Variants in RNPEP observed in about 807,000 individuals in gnomAD.
RNPEP encodes the protein arginyl aminopeptidase.
RNPEP carries 57 observed loss-of-function variants against 70.1 expected under a neutral mutation model. The ratio of observed to expected loss-of-function variants is 0.81; its 90% CI spans 0.66 to 1.01. The LOEUF (loss-of-function observed/expected upper bound fraction) is 1.01. RNPEP is among the 50% of genes least tolerant of loss of function. The probability of loss-of-function intolerance (pLI) is 0.00; values close to 1 mark genes in which losing one functional copy is unlikely to be tolerated. For missense variants in RNPEP, 787 were observed against 852.4 expected (o/e 0.92, Z 0.96); for synonymous variants, 335 against 357.4 (o/e 0.94, Z 0.71).
chr1:201,997,767 T>TTTTG (rs1553304966), intron 5 of RNPEP, among the ~76,000 whole-genome samples: 2 of 8,704 alleles, frequency 2.3e-4, no homozygotes, highest in Non-Finnish European at 6.5e-3. Context: ...AGGTCATTAG[T>TTTTG]TTTTTTTTTT....
chr1:201,994,668 C>CTTT (rs774484493), intron 3 of RNPEP, among the ~76,000 whole-genome samples: 20 of 137,884 alleles, frequency 1.5e-4, no homozygotes, highest in South Asian at 2.4e-4. Flanking sequence ...CCATCAGTCT[C>CTTT]TTTTTTTTTT....
Position 202,005,788 on chromosome 1 carries a change from CT to C in RNPEP, c.*73del. The C allele has an allele frequency of 6.5e-7, 1 of 1,548,690 alleles. No homozygotes were observed. The highest frequency in any genetic ancestry group is 8.9e-7 in the Non-Finnish European group (1 of 1,125,254). ...AGAATAATTGTTTGTTCCCAAATTC[CT>C]GTTCCCTGATCAACTTCCTGGAGTT... On this transcript the variant is annotated 3_prime_UTR_variant, in exon 11 of 11. Coordinates refer to ENST00000295640, the MANE Select transcript of RNPEP (RefSeq NM_020216.4).
Position 201,999,896 on chromosome 1 carries a change from C to T in RNPEP, c.1091-6C>T, listed in dbSNP as rs73074442. 8.7e-6 allele frequency: 14 copies of T among 1,610,950 alleles called. No homozygotes were observed. Among genetic ancestry groups the T allele is most frequent in the Admixed American group, 3.3e-5 (2 of 59,706 alleles). ...TTCCCGAGGCTTACGTTTGATTCTG[C>T]ACCAGGCGCTGCGTACACCTGCTTG... On this transcript the variant is annotated splice_region_variant and splice_polypyrimidine_tract_variant and intron_variant, in intron 5 of 10. Coordinates refer to ENST00000295640, the MANE Select transcript of RNPEP (RefSeq NM_020216.4).
chr1:201,997,832 C>T (rs1387754127), intron 5 of RNPEP, among the ~76,000 whole-genome samples: 1 of 149,262 alleles, frequency 6.7e-6, no homozygotes, highest in Admixed American at 6.8e-5. Flanking sequence ...GGCACGATCT[C>T]GGCTCACTGC....
intron 1 of RNPEP, 38 bp downstream of exon 1, chr1:201,983,151 T>TGCCC (rs148779855): frequency 0.033 from 47,401 of 1,434,392 alleles, 940 homozygotes; most frequent in South Asian, 0.039. Flanking sequence ...GCTGCCTGCC[T>TGCCC]GCCCTTCCGG....
In RNPEP at chr1:201,982,811, C is replaced by T. The variant is rs1325609679; in HGVS notation, c.145C>T (p.Pro49Ser). The change falls in exon 1 of 11, where the codon CCT becomes TCT. Residue 49 changes from proline to serine, a missense_variant. Physicochemically the swap from Pro to Ser is moderately conservative, Grantham distance 74. Transcript: ENST00000295640. Reference sequence around the variant, plus strand: ...CCTGGACCTGCGGGCTGAGTTCGGGCCTCCAGGGCCCGGCGCAGGGAGCCG... The same window carrying T: ...CCTGGACCTGCGGGCTGAGTTCGGGTCTCCAGGGCCCGGCGCAGGGAGCCG... The part of the protein sequence containing the change: ...LHLDLRAEFG[P>S]PGPGAGSRGL... 3 of 1,333,726 alleles carry T rather than the reference C, an allele frequency of 2.2e-6. No individual in the cohort carries two copies. The highest frequency in any genetic ancestry group is 2.9e-6 in the Non-Finnish European group (3 of 1,041,978). 82.6% of individuals were successfully genotyped at this position (1,333,726 alleles called of 1,614,324 possible). A position where few individuals can be genotyped will look rare whatever the true frequency, so the allele number is the denominator to read the frequency against.
chr1:202,003,834 T>A (rs1683938154), intron 9 of RNPEP, among the ~76,000 whole-genome samples: 1 of 152,214 alleles, frequency 6.6e-6, no homozygotes, highest in Non-Finnish European at 1.5e-5. Flanking sequence ...GGCGGTGTGA[T>A]GTTAATACCC....
chr1:201,983,091 A>T lies in RNPEP; in HGVS notation c.425A>T (p.Tyr142Phe), dbSNP rs2102955852. The change falls in exon 1 of 11, where the codon TAC becomes TTC. Residue 142 changes from tyrosine to phenylalanine, a missense_variant. Tyr to Phe is a conservative substitution (Grantham distance 22). Coordinates refer to ENST00000295640, the MANE Select transcript of RNPEP (RefSeq NM_020216.4). ...AAERLQVLLT[Y>F]RVGEGPGVCW... ...GAGCGCCTCCAGGTGCTGCTCACCT[A>T]CCGCGTCGGGGAGGGACCCGGGGTG... The T allele has an allele frequency of 6.6e-7, 1 of 1,506,512 alleles. No individual in the cohort carries two copies. The highest frequency in any genetic ancestry group is 8.8e-7 in the Non-Finnish European group (1 of 1,136,268). 93.3% of individuals were successfully genotyped at this position (1,506,512 alleles called of 1,614,324 possible). A position where few individuals can be genotyped will look rare whatever the true frequency, so the allele number is the denominator to read the frequency against.
At chr1:201,991,135 G>T (rs773640580) in intron 3 of RNPEP, among the ~76,000 whole-genome samples, 1 of 152,078 alleles carries the variant, frequency 6.6e-6, no homozygotes, top group Non-Finnish European at 1.5e-5. Flanking sequence ...TTATTTTTGA[G>T]ATGGCGTCTT....
In RNPEP at chr1:202,005,583, T is replaced by C; in HGVS notation, c.1820T>C (p.Leu607Pro). The C allele has an allele frequency of 6.2e-7, 1 of 1,614,216 alleles. No homozygotes were observed. The highest frequency in any genetic ancestry group is 8.5e-7 in the Non-Finnish European group (1 of 1,180,034). The change falls in exon 11 of 11, where the codon CTG becomes CCG. Residue 607 changes from leucine (L) to proline (P), a missense_variant. Transcript: ENST00000295640. Reference protein sequence around the residue: ...NQGKQKYTLPLYHAMMGGSEV... With the variant: ...NQGKQKYTLPPYHAMMGGSEV... ...GGGAAGCAGAAGTATACACTTCCGC[T>C]GTACCACGCAATGATGGGTGGCAGT...
In RNPEP at chr1:201,989,586, A is replaced by C. The variant is rs892273738; in HGVS notation, c.737+55A>C. On this transcript the variant is annotated intron_variant, in intron 3 of 10. Coordinates refer to ENST00000295640, the MANE Select transcript of RNPEP (RefSeq NM_020216.4). Reference sequence around the variant, plus strand: ...TGGATTGGCCTCAGAGGTGAGGAGGACTCTGACCAGTGGACCTGCTGGGGG... The same window carrying C: ...TGGATTGGCCTCAGAGGTGAGGAGGCCTCTGACCAGTGGACCTGCTGGGGG... The C allele has an allele frequency of 2.9e-5, 47 of 1,595,502 alleles. No homozygotes were observed. In the African/African-American group the frequency reaches 4.8e-4, roughly 16 times the overall value.
At chr1:201,993,092 T>C (rs554834995) in intron 3 of RNPEP, among the ~76,000 whole-genome samples, 2 of 152,348 alleles carry the variant, frequency 1.3e-5, no homozygotes, top group East Asian at 3.9e-4. Flanking sequence ...GATATGATTA[T>C]GTCAGTTTCC....
intron 8 of RNPEP, among the ~76,000 whole-genome samples, chr1:202,002,966 C>T (rs1320789786): frequency 6.6e-6 from 1 of 152,108 alleles, no homozygotes; most frequent in Non-Finnish European, 1.5e-5. Context: ...AGAATGTGCA[C>T]GTGAATAGAG....
In RNPEP at chr1:201,983,018, T is replaced by C; in HGVS notation, c.352T>C (p.Tyr118His). ...CTTCTACACGCAGCCCTTCTCGCAC[T>C]ATGGCCAGGCCCTGTGCGTGTCCTT... ...VSFYTQPFSH[Y>H]GQALCVSFPQ... is the part of the protein sequence containing the mutation. The change falls in exon 1 of 11, where the codon TAT (tyrosine) becomes CAT (histidine). Residue 118 changes from tyrosine (Y) to histidine (H), a missense_variant. Tyr to His is a moderately conservative substitution (Grantham distance 83). Coordinates refer to ENST00000295640, the MANE Select transcript of RNPEP (RefSeq NM_020216.4). 2.0e-6 allele frequency: 3 copies of C among 1,524,802 alleles called. No individual in the cohort carries two copies. Among genetic ancestry groups the C allele is most frequent in the Non-Finnish European group, 2.6e-6 (3 of 1,138,126 alleles). 94.5% of individuals were successfully genotyped at this position (1,524,802 alleles called of 1,614,324 possible).
In RNPEP at chr1:202,005,739, CCTCTTCAGG is replaced by C. The variant is rs1684039627; in HGVS notation, c.*28_*36del. On this transcript the variant is annotated 3_prime_UTR_variant, in exon 11 of 11. Transcript: ENST00000295640. Reference sequence around the variant, plus strand: ...TAGAGGCTCGTGTGCATGGCCCCTGCCTCTTCAGGCTCTCCAGGCTTTCAGAATAATTGT... The same window carrying C: ...TAGAGGCTCGTGTGCATGGCCCCTGCCTCTCCAGGCTTTCAGAATAATTGT... 24 of 1,610,954 alleles carry C rather than the reference CCTCTTCAGG, an allele frequency of 1.5e-5. No homozygotes were observed. Among genetic ancestry groups the C allele is most frequent in the Non-Finnish European group, 1.9e-5 (22 of 1,177,228 alleles).
Position 201,982,720 on chromosome 1 carries a change from C to T in RNPEP, c.54C>T (p.His18=), listed in dbSNP as rs1235735678. ...GCGGCGCGGCCCGGCGGCCGCTGCA[C>T]TCCGCGCAGGCTGTGGACGTGGCCT... The part of the protein sequence containing the change: ...PGSGAARRPL[H]SAQAVDVASA... Residue 18 remains histidine, a synonymous_variant, in exon 1 of 11, where the codon CAC becomes CAT. Transcript: ENST00000295640. 19 of 1,407,520 alleles carry T rather than the reference C, an allele frequency of 1.3e-5. No homozygotes were observed. In the Admixed American group the frequency reaches 5.5e-4, roughly 41 times the overall value. 87.2% of individuals were successfully genotyped at this position (1,407,520 alleles called of 1,614,324 possible).
At chr1:202,001,584 G>A in intron 7 of RNPEP, 75 bp from the exon 8 acceptor site, 2 of 1,434,138 alleles carry the variant, frequency 1.4e-6, no homozygotes, top group Non-Finnish European at 2.0e-6. Flanking sequence ...AGGGGTTGGA[G>A]GAGGACCCAG....
At chr1:202,001,614 C>T (rs778313180) in intron 7 of RNPEP, 45 bp from the exon 8 acceptor site, 2 of 1,497,992 alleles carry the variant, frequency 1.3e-6, no homozygotes, top group South Asian at 1.1e-5. Flanking sequence ...GGACACCACT[C>T]CCCACGGGGC....
chr1:201,988,457 CAAA>C (rs142459545), intron 1 of RNPEP, among the ~76,000 whole-genome samples: 20 of 114,372 alleles, frequency 1.7e-4, no homozygotes, highest in Non-Finnish European at 1.6e-4. Flanking sequence ...TACTCTGTCT[CAAA>C]AAAAAAAAAA....
Sources: allele counts gnomAD v4.1 joint callset (sites outside exome capture counted in the v4.1 genomes callset), GRCh38; gene constraint gnomAD v4.1.1; transcripts MANE v1.5; gene names NCBI Gene and HGNC (gene_info 2026-07-23, HGNC 2026-07-21).